Variants in ANKS1A observed in about 807,000 individuals in gnomAD.
The protein encoded by ANKS1A is ankyrin repeat and sterile alpha motif domain containing 1A.
In ANKS1A, 55 loss-of-function variants were observed where a neutral mutation model predicts 120.3. The ratio of observed to expected loss-of-function variants is 0.46; its 90% confidence interval spans 0.37 to 0.57. The LOEUF is 0.57. Among genes scored for constraint, ANKS1A ranks in the 20% least tolerant of loss-of-function variants. The pLI is 0.00. For missense variants in ANKS1A, 1,123 were observed against 1,480.3 expected, an observed-to-expected ratio of 0.76 and a Z score of 3.96; for synonymous variants, 590 against 604.7, an observed-to-expected ratio of 0.98 and a Z score of 0.36.
chr6:34,981,864 G>A lies in ANKS1A; in HGVS notation c.610G>A (p.Ala204Thr). Reference protein sequence around the residue: ...RLEVVKMLLNAHPNLLSCNTK... With the variant: ...RLEVVKMLLNTHPNLLSCNTK... ...GGAGGTGGTGAAAATGCTCCTTAAT[G>A]CACACCCCAACCTCCTGAGCTGCAA... The change falls in exon 4 of 24, where the codon GCA (alanine) becomes ACA (threonine). Residue 204 changes from alanine (A) to threonine (T), a missense_variant. By Grantham distance (58) the Ala-to-Thr change is moderately conservative. Transcript: ENST00000360359. 6.2e-7 allele frequency: 1 copy of A among 1,613,566 alleles called. No homozygotes were observed. Among genetic ancestry groups the A allele is most frequent in the Non-Finnish European group, 8.5e-7 (1 of 1,179,582 alleles).
At chr6:34,937,611 CTG>C (rs1426920687) in intron 1 of ANKS1A, among the ~76,000 whole-genome samples, 1 of 152,018 alleles carries the variant, frequency 6.6e-6, no homozygotes, top group Non-Finnish European at 1.5e-5. Context: ...GCAGAAGAAA[CTG>C]TGCTGGTTTA....
chr6:35,003,482 CAT>C (rs1773274044), intron 10 of ANKS1A, among the ~76,000 whole-genome samples: 1 of 152,140 alleles, frequency 6.6e-6, no homozygotes, highest in African/African-American at 2.4e-5. Context: ...TAGTTAAAGA[CAT>C]AGTTAAAAAT....
intron 1 of ANKS1A, among the ~76,000 whole-genome samples, chr6:34,908,393 C>T (rs1356467282): frequency 2.0e-5 from 3 of 152,104 alleles, no homozygotes; most frequent in Non-Finnish European, 2.9e-5. Flanking sequence ...CAGGAGTCAG[C>T]GGAGGTGAGG....
chr6:35,079,683 C>T lies in ANKS1A; in HGVS notation c.2436+15C>T, dbSNP rs750191560. ...AGCTCGTCAATGTGAGTAGTCCCTG[C>T]GTGGCCCGGCCTGGACTCTCCAGAA... On this transcript the variant is annotated intron_variant, in intron 15 of 23. Transcript: ENST00000360359. The T allele has an allele frequency of 8.7e-6, 14 of 1,613,902 alleles. No homozygotes were observed. Among genetic ancestry groups the T allele is most frequent in the Admixed American group, 5.0e-5 (3 of 59,998 alleles).
chr6:35,051,826 T>G (rs1775986459), intron 11 of ANKS1A, among the ~76,000 whole-genome samples: 1 of 152,234 alleles, frequency 6.6e-6, no homozygotes, highest in African/African-American at 2.4e-5. Context: ...AGTAAAAATA[T>G]TTTTACAACT....
chr6:35,096,626 G>A, the ANKS1A span, among the ~76,000 whole-genome samples: 2 of 152,206 alleles, frequency 1.3e-5, no homozygotes, highest in African/African-American at 2.4e-5. Flanking sequence ...GCAGACACTA[G>A]TGGATGACTA....
At chr6:34,940,250 C>T (rs1422826853) in intron 1 of ANKS1A, among the ~76,000 whole-genome samples, 4 of 152,166 alleles carry the variant, frequency 2.6e-5, no homozygotes, top group African/African-American at 7.2e-5. Flanking sequence ...CCTTATCTTG[C>T]GGAGCACTTT....
At chr6:34,993,821 A>G (rs925811227) in intron 9 of ANKS1A, among the ~76,000 whole-genome samples, 3 of 152,212 alleles carry the variant, frequency 2.0e-5, no homozygotes, top group Admixed American at 6.5e-5. Context: ...ACGATGGAGC[A>G]TGGCTAAGAG....
At chr6:34,957,616 T>C (rs760631412) in intron 1 of ANKS1A, among the ~76,000 whole-genome samples, 7 of 152,230 alleles carry the variant, frequency 4.6e-5, no homozygotes, top group Non-Finnish European at 1.0e-4. Flanking sequence ...TGAAGAATTG[T>C]TGGAGAGCTG....
intron 1 of ANKS1A, among the ~76,000 whole-genome samples, chr6:34,908,575 CTTTG>C (rs529627624): frequency 8.5e-4 from 130 of 152,220 alleles, no homozygotes; most frequent in African/African-American, 2.9e-3. Context: ...TGTGGTTGTA[CTTTG>C]TTTGTTGGTT....
chr6:34,999,893 A>G (rs1773067717), intron 10 of ANKS1A, among the ~76,000 whole-genome samples: 1 of 152,116 alleles, frequency 6.6e-6, no homozygotes, highest in Non-Finnish European at 1.5e-5. Flanking sequence ...GAAAAGAGAA[A>G]GAGAGACAGA....
intron 13 of ANKS1A, among the ~76,000 whole-genome samples, chr6:35,074,723 C>T (rs766057030): frequency 1.3e-5 from 2 of 152,216 alleles, no homozygotes; most frequent in Non-Finnish European, 2.9e-5. Context: ...GCCCAGGCCT[C>T]GCTTGTGCCC....
intron 11 of ANKS1A, among the ~76,000 whole-genome samples, chr6:35,028,186 C>G (rs896670529): frequency 6.6e-6 from 1 of 152,156 alleles, no homozygotes; most frequent in African/African-American, 2.4e-5. Flanking sequence ...CAGAACTTCC[C>G]CCAAAAGCAT....
intron 1 of ANKS1A, among the ~76,000 whole-genome samples, chr6:34,924,086 T>G (rs1768576977): frequency 7.3e-6 from 1 of 137,294 alleles, no homozygotes; most frequent in South Asian, 2.3e-4. Context: ...AGAGGGGGCT[T>G]TTTCGTGTGT....
At chr6:35,094,041 C>G (rs1039159026), downstream of ANKS1A, among the ~76,000 whole-genome samples, 1 of 152,204 alleles carries the variant, frequency 6.6e-6, no homozygotes, top group Non-Finnish European at 1.5e-5. Context: ...CCAGCAGTAA[C>G]AAGCAGCCTC....
rs912628105 is a variant in ANKS1A, at chr6:35,089,761, C to T, written c.*1152C>T. The T allele has an allele frequency of 4.0e-6, 4 of 999,224 alleles. No individual in the cohort carries two copies. Among genetic ancestry groups the T allele is most frequent in the Non-Finnish European group, 4.8e-6 (4 of 838,636 alleles). 61.9% of individuals were successfully genotyped at this position (999,224 alleles called of 1,614,324 possible). A position where few individuals can be genotyped will look rare whatever the true frequency, so the allele number is the denominator to read the frequency against. On this transcript the variant is annotated 3_prime_UTR_variant, in exon 24 of 24. Coordinates refer to ENST00000360359, the MANE Select transcript of ANKS1A (RefSeq NM_015245.3). ...TTGTTTTTAAAAGTAACTTGGGTTG[C>T]ATTCTTCCCTCTGGACTAGAGTAGA... is the stretch of plus-strand genomic sequence containing the variant.
rs1010165927 is a variant in ANKS1A, at chr6:34,892,363, C to T, written c.197+2764C>T. Among the ~76,000 whole-genome samples, 5 of 152,156 alleles carry T rather than the reference C, an allele frequency of 3.3e-5. No homozygotes were observed. In the East Asian group the frequency reaches 9.6e-4, roughly 29 times the overall value. ...AGTGAAGGGTAGGTTACCTCTGCTC[C>T]CAACCCTCTCTCCCCTAAAGACCCT... is the stretch of plus-strand genomic sequence containing the variant. On this transcript the variant is annotated intron_variant, in intron 1 of 23. Transcript: ENST00000360359.
chr6:34,902,437 G>A (rs1170629378), intron 1 of ANKS1A, among the ~76,000 whole-genome samples: 2 of 151,798 alleles, frequency 1.3e-5, no homozygotes, highest in Non-Finnish European at 2.9e-5. Flanking sequence ...TAGTAGAGAC[G>A]GGATTTCTCC....
intron 3 of ANKS1A, among the ~76,000 whole-genome samples, chr6:34,977,697 T>G (rs966896218): frequency 6.6e-6 from 1 of 152,180 alleles, no homozygotes. Flanking sequence ...AGAGTAAGTC[T>G]AACTCTTCTT....
Sources: allele counts gnomAD v4.1 joint callset (sites outside exome capture counted in the v4.1 genomes callset), GRCh38; gene constraint gnomAD v4.1.1; transcripts MANE v1.5; gene names NCBI Gene and HGNC (gene_info 2026-07-23, HGNC 2026-07-21).